OTC: variants seen among roughly 807,000 people sequenced by gnomAD.
OTC encodes the protein ornithine transcarbamylase.
In OTC, 3 loss-of-function variants were observed where a neutral mutation model predicts 30.3. That is an observed-to-expected ratio of 0.10 (90% CI 0.05 to 0.26). OTC has a LOEUF of 0.26. OTC is among the 10% of genes least tolerant of loss of function. OTC has a pLI of 1.00. For synonymous variants in OTC, 111 were observed against 99.7 expected (o/e 1.11, Z -0.67); for missense variants, 194 against 260.3 (o/e 0.75, Z 1.75).
At chrX:38,367,140 A>G in intron 1 of OTC, 151 bp from the exon 2 acceptor site, 2 of 444,527 alleles carry the variant, frequency 4.5e-6, no homozygotes, top group Non-Finnish European at 7.6e-6. Flanking sequence ...ATTGTGCCAC[A>G]CTCCAGCCTG....
At chrX:38,331,522 G>A in the OTC span, among the ~76,000 whole-genome samples, 2 of 102,857 alleles carry the variant, frequency 1.9e-5, no homozygotes, top group African/African-American at 7.2e-5. Context: ...GACCTCAGGT[G>A]ATCCGCCCAC....
intron 8 of OTC, among the ~76,000 whole-genome samples, chrX:38,410,856 G>A (rs1323366977): frequency 9.0e-6 from 1 of 111,702 alleles, no homozygotes; most frequent in Admixed American, 9.6e-5. Context: ...AACTCAAAAT[G>A]TCCTGAACCT....
At position 38,388,361 on chromosome X, in the gene OTC, A is replaced by G. The variant is rs182454953; in HGVS notation, c.386+6932A>G. Among the ~76,000 whole-genome samples, 546 of 111,367 alleles carry G rather than the reference A, an allele frequency of 4.9e-3. 5 individuals carry two copies. Among genetic ancestry groups the G allele is most frequent in the African/African-American group, 0.017 (520 of 30,619 alleles). On this transcript the variant is annotated intron_variant, in intron 4 of 9. Transcript: ENST00000039007. Reference sequence around the variant, plus strand: ...AAAACATACACATAGATATTCAGTTAAGTTTACTTCAGATGTGAGGGTATT... The same window carrying G: ...AAAACATACACATAGATATTCAGTTGAGTTTACTTCAGATGTGAGGGTATT...
At chrX:38,391,375 C>T (rs1199524331) in intron 4 of OTC, among the ~76,000 whole-genome samples, 1 of 110,772 alleles carries the variant, frequency 9.0e-6, no homozygotes, top group Non-Finnish European at 1.9e-5. Context: ...GCACATGTAC[C>T]CTAAAACTTA....
the OTC span, among the ~76,000 whole-genome samples, chrX:38,331,315 A>G: frequency 4.7e-5 from 5 of 106,070 alleles, no homozygotes; most frequent in African/African-American, 1.7e-4. Context: ...GTGCAGGGGC[A>G]TGATCTCGGC....
intron 3 of OTC, among the ~76,000 whole-genome samples, chrX:38,377,860 C>T (rs1010538202): frequency 5.4e-5 from 6 of 110,975 alleles, no homozygotes; most frequent in African/African-American, 6.6e-5. Context: ...TTTTTTTAGA[C>T]GAAGTCTCAC....
upstream of OTC, among the ~76,000 whole-genome samples, chrX:38,348,759 G>A (rs904993137): frequency 2.2e-4 from 24 of 110,216 alleles, no homozygotes; most frequent in African/African-American, 7.6e-4. Context: ...GGATGGTCTC[G>A]ATCTCCTAAG....
At chrX:38,405,706 G>C (rs947580608) in intron 6 of OTC, among the ~76,000 whole-genome samples, 1 of 111,717 alleles carries the variant, frequency 9.0e-6, no homozygotes, top group South Asian at 3.8e-4. Flanking sequence ...GACTCAGAGA[G>C]ATGACCCTTA....
At chrX:38,396,008 G>C (rs1186886842) in intron 4 of OTC, 1 of 103,380 alleles carries the variant, frequency 9.7e-6, no homozygotes, top group African/African-American at 3.6e-5. Flanking sequence ...TTTTGCTCTT[G>C]TTGCCCAAGC....
intron 1 of OTC, among the ~76,000 whole-genome samples, chrX:38,356,932 C>T (rs900890499): frequency 3.6e-5 from 4 of 111,541 alleles, no homozygotes; most frequent in African/African-American, 1.3e-4. Context: ...GTTTTTTTCA[C>T]ATCAGTGGGA....
At chrX:38,415,831 G>A (rs1334158911) in intron 9 of OTC, among the ~76,000 whole-genome samples, 1 of 112,128 alleles carries the variant, frequency 8.9e-6, no homozygotes, top group Admixed American at 9.4e-5. Flanking sequence ...CTCCAGCCTG[G>A]GCGACAGAGC....
intron 6 of OTC, among the ~76,000 whole-genome samples, chrX:38,406,260 G>A (rs988754957): frequency 3.6e-5 from 4 of 111,759 alleles, no homozygotes; most frequent in African/African-American, 6.5e-5. Flanking sequence ...ACACTGAAAC[G>A]TTTCCAAGGC....
At chrX:38,386,392 T>A (rs1314126617) in intron 4 of OTC, among the ~76,000 whole-genome samples, 7 of 104,587 alleles carry the variant, frequency 6.7e-5, no homozygotes, top group Admixed American at 1.0e-4. Context: ...AAAAAATATA[T>A]ATATATATAT....
intron 1 of OTC, among the ~76,000 whole-genome samples, chrX:38,366,132 C>A (rs1360964263): frequency 9.0e-6 from 1 of 111,490 alleles, no homozygotes; most frequent in Non-Finnish European, 1.9e-5. Context: ...AACTCCTCAC[C>A]TTCCCTTGGC....
intron 1 of OTC, among the ~76,000 whole-genome samples, chrX:38,364,276 A>G (rs2068284830): frequency 8.9e-6 from 1 of 112,125 alleles, no homozygotes; most frequent in Admixed American, 9.5e-5. Context: ...TTATGAATCC[A>G]TGTTTAAAAG....
chrX:38,406,410 A>C (rs1228479135), intron 6 of OTC, among the ~76,000 whole-genome samples: 1 of 112,240 alleles, frequency 8.9e-6, no homozygotes, highest in Admixed American at 9.5e-5. Context: ...GAATACTTAG[A>C]GTGAACTGGG....
chrX:38,400,946 T>C (rs2068482180), intron 4 of OTC, among the ~76,000 whole-genome samples: 1 of 112,553 alleles, frequency 8.9e-6, no homozygotes, highest in Non-Finnish European at 1.9e-5. Context: ...GTCATTAATG[T>C]TTCTCCGTAT....
In OTC at chrX:38,393,496, C is replaced by T. The variant is rs568074513; in HGVS notation, c.387-7779C>T. 1.9e-4 allele frequency among the ~76,000 whole-genome samples: 21 copies of T among 111,886 alleles called. No homozygotes were observed. The South Asian group carries it at 6.7e-3, about 36-fold the overall frequency. On this transcript the variant is annotated intron_variant, in intron 4 of 9. Transcript: ENST00000039007. ...GGATTGTTGGGAATTCTACAAGAGA[C>T]TCTTTATACTTTCTCAGGGTTTATG...
chrX:38,380,527 C>CG (rs1363427809), intron 3 of OTC, among the ~76,000 whole-genome samples: 9 of 111,035 alleles, frequency 8.1e-5, no homozygotes, highest in Non-Finnish European at 1.3e-4. Flanking sequence ...CATAATTTTC[C>CG]CCAGAATGTG....
Sources: allele counts gnomAD v4.1 joint callset (sites outside exome capture counted in the v4.1 genomes callset), GRCh38; gene constraint gnomAD v4.1.1; transcripts MANE v1.5; gene names NCBI Gene and HGNC (gene_info 2026-07-23, HGNC 2026-07-21).